Variants in SPINK1 observed in about 807,000 individuals in gnomAD.
SPINK1 encodes the protein serine protease inhibitor Kazal-type 1.
SPINK1 carries 5 observed loss-of-function variants against 9.5 expected under a neutral mutation model. That is an observed-to-expected ratio of 0.52 (90% CI 0.27 to 1.10). The LOEUF (loss-of-function observed/expected upper bound fraction) is 1.10. Ranked by LOEUF, SPINK1 falls within the 50% of genes least tolerant of loss-of-function variation. The probability of loss-of-function intolerance (pLI) is 0.11; values close to 1 mark genes in which losing one functional copy is unlikely to be tolerated. For missense variants in SPINK1, 88 were observed against 92.7 expected (o/e 0.95, Z 0.21); for synonymous variants, 37 against 32.3 (o/e 1.14, Z -0.49).
chr5:147,838,810 T>A, the SPINK1 span, among the ~76,000 whole-genome samples: 1 of 152,138 alleles, frequency 6.6e-6, no homozygotes, highest in Admixed American at 6.5e-5. Context: ...TCTACATTCA[T>A]CTTTCTATTC....
At chr5:147,828,151 T>G (rs199929811) in intron 2 of SPINK1, 23 bp from the exon 3 acceptor site, 2 of 1,561,596 alleles carry the variant, frequency 1.3e-6, no homozygotes, top group Non-Finnish European at 1.8e-6. Context: ...TTAAACAGAA[T>G]CATTTCCCAT....
chr5:147,836,718 G>A, the SPINK1 span, among the ~76,000 whole-genome samples: 3 of 152,076 alleles, frequency 2.0e-5, no homozygotes, highest in Non-Finnish European at 4.4e-5. Context: ...CTCTTAACTG[G>A]AAGTCTTTCT....
chr5:147,834,422 G>A (rs1756560490), upstream of SPINK1, among the ~76,000 whole-genome samples: 1 of 151,966 alleles, frequency 6.6e-6, no homozygotes, highest in Non-Finnish European at 1.5e-5. Context: ...AAAATTTTTG[G>A]CTGAGTGCTA....
intron 2 of SPINK1, 113 bp from the exon 3 acceptor site, chr5:147,828,241 A>ATACT: frequency 1.2e-6 from 1 of 846,334 alleles, no homozygotes; most frequent in Non-Finnish European, 1.9e-6. Flanking sequence ...TGGGAGAATG[A>ATACT]TACTGTGTGT....
chr5:147,837,693 CTTTCTTTCTTTCT>C, the SPINK1 span, among the ~76,000 whole-genome samples: 1 of 146,376 alleles, frequency 6.8e-6, no homozygotes, highest in African/African-American at 2.5e-5. Flanking sequence ...TTCTTTCTTT[CTTTCTTTCTTTCT>C]TTCTTTCTTT....
chr5:147,834,701 T>C (rs978209443), upstream of SPINK1, among the ~76,000 whole-genome samples: 23 of 152,206 alleles, frequency 1.5e-4, no homozygotes, highest in Middle Eastern at 6.8e-3. Flanking sequence ...AGAAACTCAT[T>C]AGATAATAAT....
chr5:147,828,253 G>A, intron 2 of SPINK1, 125 bp from the exon 3 acceptor site: 1 of 806,206 alleles, frequency 1.2e-6, no homozygotes, highest in East Asian at 2.7e-5. Flanking sequence ...ACTGTGTGTT[G>A]TAAGAGAAAT....
upstream of SPINK1, among the ~76,000 whole-genome samples, chr5:147,832,682 G>A (rs1363932342): frequency 6.6e-6 from 1 of 152,124 alleles, no homozygotes; most frequent in African/African-American, 2.4e-5. Flanking sequence ...TTGGGGCTTG[G>A]GAAACCAGAA....
the SPINK1 span, among the ~76,000 whole-genome samples, chr5:147,837,649 T>TCTTCTTTCTTTC: frequency 7.5e-5 from 8 of 107,032 alleles, no homozygotes; most frequent in Admixed American, 2.2e-4. Flanking sequence ...CATTAACTTC[T>TCTTCTTTCTTTC]TTTCTTTCTT....
rs944329709 is a variant in SPINK1, at chr5:147,825,496, C to A, written c.195-790G>T. Among the ~76,000 whole-genome samples the A allele has an allele frequency of 2.0e-4, 30 of 149,656 alleles. 1 individual carries two copies. The highest frequency in any genetic ancestry group is 7.2e-4 in the African/African-American group (29 of 40,520). On this transcript the variant is annotated intron_variant, in intron 3 of 3. Transcript: ENST00000296695. ...TCACTCTGTTGCCCAGGCTGGAGTG[C>A]AGTGGTGTGACCTTGGCTCACTGCA...
rs1002087235 is a variant in SPINK1, at chr5:147,830,951, T to C, written c.55+572A>G. Among the ~76,000 whole-genome samples, 11 of 152,152 alleles carry C rather than the reference T, an allele frequency of 7.2e-5. No individual in the cohort carries two copies. In the South Asian group the frequency reaches 1.5e-3, roughly 20 times the overall value. ...TGTAATGTAAATACACAAAATGCAA[T>C]TTTTGTATTTCCAGATACTAATAAG... On this transcript the variant is annotated intron_variant, in intron 1 of 3. Transcript: ENST00000296695.
At chr5:147,829,913 A>G (rs1284545922) in intron 1 of SPINK1, among the ~76,000 whole-genome samples, 2 of 152,236 alleles carry the variant, frequency 1.3e-5, no homozygotes, top group Non-Finnish European at 2.9e-5. Context: ...AACAGAAATT[A>G]TGCACTTACT....
chr5:147,829,779 A>G, intron 1 of SPINK1, 149 bp from the exon 2 acceptor site: 1 of 809,956 alleles, frequency 1.2e-6, no homozygotes, highest in Non-Finnish European at 2.0e-6. Flanking sequence ...TAATCTTCCA[A>G]AAGTATCTGA....
At chr5:147,829,713 T>G (rs1196989214) in intron 1 of SPINK1, 83 bp from the exon 2 acceptor site, 2 of 1,266,852 alleles carry the variant, frequency 1.6e-6, no homozygotes, top group East Asian at 2.3e-5. Context: ...CTGCTTTCAT[T>G]GCAGACTGTG....
chr5:147,830,763 TGA>T (rs1756493959), intron 1 of SPINK1, among the ~76,000 whole-genome samples: 1 of 152,194 alleles, frequency 6.6e-6, no homozygotes, highest in African/African-American at 2.4e-5. Flanking sequence ...CTTCACTACA[TGA>T]GAGGTGAAGT....
chr5:147,833,804 A>G (rs1368140823), upstream of SPINK1, among the ~76,000 whole-genome samples: 1 of 152,174 alleles, frequency 6.6e-6, no homozygotes, highest in Non-Finnish European at 1.5e-5. Flanking sequence ...CATTGTTCAG[A>G]ATGCTCAGGA....
chr5:147,832,180 G>C (rs17107319), upstream of SPINK1, among the ~76,000 whole-genome samples: 4,424 of 152,244 alleles, frequency 0.029, 237 homozygotes, highest in African/African-American at 0.1. Flanking sequence ...TCCCTAAAGC[G>C]TGTATTCTGG....
chr5:147,839,112 G>A, the SPINK1 span, among the ~76,000 whole-genome samples: 2 of 152,198 alleles, frequency 1.3e-5, no homozygotes, highest in African/African-American at 2.4e-5. Context: ...CCACATGGCT[G>A]GGGAGGCCTC....
Position 147,824,693 on chromosome 5 carries a change from A to T in SPINK1, c.208T>A (p.Ser70Thr), listed in dbSNP as rs373011963. Residue 70 changes from serine (S) to threonine (T), a missense_variant, in exon 4 of 4, where the codon TCT becomes ACT. Transcript: ENST00000296695. ...GGCCCAGATTTTTGAATGAGGATAG[A>T]AGTCTGGCGTTTCCTGCAGTAGAGA... ...LCFENRKRQT[S>T]ILIQKSGPC 7.4e-6 allele frequency: 12 copies of T among 1,613,936 alleles called. No individual in the cohort carries two copies. In the African/African-American group the frequency reaches 1.5e-4, roughly 20 times the overall value.
Sources: allele counts gnomAD v4.1 joint callset (sites outside exome capture counted in the v4.1 genomes callset), GRCh38; gene constraint gnomAD v4.1.1; transcripts MANE v1.5; gene names NCBI Gene and HGNC (gene_info 2026-07-23, HGNC 2026-07-21).